HEMK2: variants seen among roughly 807,000 people sequenced by gnomAD.
The protein encoded by HEMK2 is methyltransferase HEMK2.
At chr21:28,748,787 T>C in the HEMK2 span, among the ~76,000 whole-genome samples, 1 of 152,230 alleles carries the variant, frequency 6.6e-6, no homozygotes, top group Non-Finnish European at 1.5e-5. Context: ...GTAATATTCC[T>C]GCCCTGTTCC....
At chr21:28,879,405 C>A in the HEMK2 span, among the ~76,000 whole-genome samples, 1 of 152,160 alleles carries the variant, frequency 6.6e-6, no homozygotes, top group Non-Finnish European at 1.5e-5. Context: ...CCAGGCCCGG[C>A]TAATTTTTGT....
the HEMK2 span, among the ~76,000 whole-genome samples, chr21:28,838,978 T>TAC: frequency 1.4e-4 from 5 of 36,696 alleles, no homozygotes; most frequent in African/African-American, 8.5e-4. Context: ...AAAAAATATA[T>TAC]ATATATATAT....
the HEMK2 span, among the ~76,000 whole-genome samples, chr21:28,774,802 T>C: frequency 1.3e-5 from 2 of 152,200 alleles, no homozygotes; most frequent in Non-Finnish European, 1.5e-5. Context: ...GAATCTACAT[T>C]ATGTATTCCT....
At chr21:28,815,341 T>C in the HEMK2 span, among the ~76,000 whole-genome samples, 217 of 152,000 alleles carry the variant, frequency 1.4e-3, no homozygotes, top group East Asian at 0.028. Flanking sequence ...AACCTGCACG[T>C]TGTGCACATG....
chr21:28,660,014 T>C, the HEMK2 span, among the ~76,000 whole-genome samples: 1 of 152,052 alleles, frequency 6.6e-6, no homozygotes, highest in African/African-American at 2.4e-5. Flanking sequence ...GTTTTCTGTA[T>C]AGAGGTTTTG....
the HEMK2 span, among the ~76,000 whole-genome samples, chr21:28,641,372 T>G: frequency 5.9e-5 from 9 of 152,150 alleles, no homozygotes; most frequent in African/African-American, 2.2e-4. Flanking sequence ...GTGGTGACAA[T>G]GAACTTGCAG....
chr21:28,622,948 A>G, the HEMK2 span, among the ~76,000 whole-genome samples: 1 of 152,128 alleles, frequency 6.6e-6, no homozygotes. Context: ...ACTAAAACAT[A>G]AAAAGCAACG....
chr21:28,872,523 C>A, the HEMK2 span: 1 of 152,256 alleles, frequency 6.6e-6, no homozygotes, highest in African/African-American at 2.4e-5. Flanking sequence ...TTTGCCTAGG[C>A]TTGTGCCTGT....
At chr21:28,577,963 T>TTTCTACCAC in the HEMK2 span, among the ~76,000 whole-genome samples, 66 of 152,310 alleles carry the variant, frequency 4.3e-4, 1 homozygote, top group East Asian at 0.01. Context: ...CAAAACAACC[T>TTTCTACCAC]TTACTCTCTG....
the HEMK2 span, among the ~76,000 whole-genome samples, chr21:28,730,385 C>CACACACACACAG: frequency 8.8e-4 from 6 of 6,824 alleles, no homozygotes; most frequent in Non-Finnish European, 2.7e-3. Flanking sequence ...CACACACAGA[C>CACACACACACAG]ACACACACAC....
At chr21:28,849,718 T>C in the HEMK2 span, among the ~76,000 whole-genome samples, 131 of 152,248 alleles carry the variant, frequency 8.6e-4, no homozygotes, top group Non-Finnish European at 1.3e-3. Context: ...TTCAAGAATG[T>C]CATAATACAA....
At chr21:28,666,845 C>A in the HEMK2 span, among the ~76,000 whole-genome samples, 4 of 152,112 alleles carry the variant, frequency 2.6e-5, no homozygotes, top group South Asian at 6.2e-4. Context: ...ACTTACTATA[C>A]AAAAGACAGA....
At chr21:28,813,047 A>G in the HEMK2 span, among the ~76,000 whole-genome samples, 1 of 152,116 alleles carries the variant, frequency 6.6e-6, no homozygotes, top group South Asian at 2.1e-4. Flanking sequence ...CGCACAAGAC[A>G]AGGATGCCCT....
At chr21:28,665,334 CTTTTT>C in the HEMK2 span, among the ~76,000 whole-genome samples, 20 of 36,690 alleles carry the variant, frequency 5.5e-4, no homozygotes, top group South Asian at 2.2e-3. Context: ...ATTTATATTT[CTTTTT>C]TTTTTTTTTT....
At chr21:28,684,224 A>T in the HEMK2 span, among the ~76,000 whole-genome samples, 56 of 152,350 alleles carry the variant, frequency 3.7e-4, no homozygotes, top group Middle Eastern at 3.4e-3. Flanking sequence ...AACACTAAGT[A>T]ACTTCTCTGG....
chr21:28,885,098 G>A, the HEMK2 span: 1 of 1,380,512 alleles, frequency 7.2e-7, no homozygotes, highest in Admixed American at 2.7e-5. Context: ...ATCTGCAAGT[G>A]GACCCCGCCT....
chr21:28,639,201 A>G, the HEMK2 span, among the ~76,000 whole-genome samples: 12 of 152,256 alleles, frequency 7.9e-5, no homozygotes, highest in Non-Finnish European at 7.3e-5. Context: ...ATGATTGACT[A>G]GATCAAGATG....
the HEMK2 span, among the ~76,000 whole-genome samples, chr21:28,806,009 G>A: frequency 6.6e-6 from 1 of 152,070 alleles, no homozygotes; most frequent in Non-Finnish European, 1.5e-5. Context: ...TTGTTTTTGA[G>A]TACACTCATC....
the HEMK2 span, among the ~76,000 whole-genome samples, chr21:28,828,672 G>A: frequency 9.9e-5 from 15 of 152,158 alleles, no homozygotes; most frequent in Admixed American, 9.8e-4. Flanking sequence ...TTGACCAACT[G>A]CTGTCAGAAA....
Sources: allele counts gnomAD v4.1 joint callset (sites outside exome capture counted in the v4.1 genomes callset), GRCh38; gene constraint gnomAD v4.1.1; transcripts MANE v1.5; gene names NCBI Gene and HGNC (gene_info 2026-07-23, HGNC 2026-07-21).